The following PEAK1 variants were observed in gnomAD, a reference collection of about 807,000 sequenced individuals.
The protein encoded by PEAK1 is inactive tyrosine-protein kinase PEAK1.
PEAK1 carries 54 observed loss-of-function variants against 124.7 expected under a neutral mutation model. The observed-to-expected ratio is 0.43, with a 90% CI of 0.35 to 0.54. The LOEUF (loss-of-function observed/expected upper bound fraction) is 0.54. Among genes scored for constraint, PEAK1 ranks in the 20% least tolerant of loss-of-function variants. The pLI is 0.01. For synonymous variants in PEAK1, 719 were observed against 760.0 expected (o/e 0.95, Z 0.89); for missense variants, 2,046 against 2,134.5 (o/e 0.96, Z 0.82).
intron 2 of PEAK1, chr15:77,350,173 G>T (rs1467842822): frequency 1.0e-6 from 1 of 985,424 alleles, no homozygotes; most frequent in Non-Finnish European, 1.2e-6. Context: ...TCTGAGTTTT[G>T]CAACTACTAA....
chr15:77,108,013 G>A (rs1368684469), downstream of PEAK1: 1 of 152,242 alleles, frequency 6.6e-6, no homozygotes, highest in Non-Finnish European at 1.5e-5. Context: ...CCAGAGTGCA[G>A]AAGACACACA....
At chr15:77,338,650 T>A (rs866771749) in intron 2 of PEAK1, among the ~76,000 whole-genome samples, 8,617 of 147,978 alleles carry the variant, frequency 0.058, 321 homozygotes, top group Admixed American at 0.087. Context: ...AAAAAATATA[T>A]ATATATATAT....
At chr15:77,151,091 G>A (rs536105650) in intron 8 of PEAK1, among the ~76,000 whole-genome samples, 1 of 152,316 alleles carries the variant, frequency 6.6e-6, no homozygotes, top group South Asian at 2.1e-4. Flanking sequence ...TCGCCACACT[G>A]ACTTCCACAA....
intron 2 of PEAK1, among the ~76,000 whole-genome samples, chr15:77,313,670 G>GTGTGTGTT (rs2064643582): frequency 8.8e-6 from 1 of 113,272 alleles, no homozygotes; most frequent in African/African-American, 4.3e-5. Flanking sequence ...GTGTGTGTGT[G>GTGTGTGTT]TGTGTGTGTG....
chr15:77,113,679 T>A lies in PEAK1; in HGVS notation c.*477A>T, dbSNP rs1867781. The A allele has an allele frequency of 6.2e-6, 1 of 160,200 alleles. No individual in the cohort carries two copies. Among genetic ancestry groups the A allele is most frequent in the African/African-American group, 2.4e-5 (1 of 41,520 alleles). The allele number at this position is 160,200 out of a possible 1,614,324, so 9.9% of individuals were successfully genotyped here. On this transcript the variant is annotated 3_prime_UTR_variant, in exon 10 of 10. Coordinates refer to ENST00000682557, the MANE Select transcript of PEAK1 (RefSeq NM_001385026.1). ...GCAGTCCTGCCTAGTAAGTCAGTTGTTGACACCTTAAAGGAAGAGTCTGTT... is the reference window on the plus strand; with the variant it reads ...GCAGTCCTGCCTAGTAAGTCAGTTGATGACACCTTAAAGGAAGAGTCTGTT...
chr15:77,179,162 G>C lies in PEAK1; in HGVS notation c.2765C>G (p.Pro922Arg), dbSNP rs1428655584. The C allele has an allele frequency of 6.2e-7, 1 of 1,614,158 alleles. No homozygotes were observed. The highest frequency in any genetic ancestry group is 8.5e-7 in the Non-Finnish European group (1 of 1,180,028). ...GCTTTTAAATGATATCCAGCGCTTA[G>C]GTTTTGCATCAGCTGCCCGCCTGCT... The part of the protein sequence containing the change: ...EGSRRAADAK[P>R]KRWISFKSFF... Residue 922 changes from proline (P) to arginine (R), a missense_variant, in exon 7 of 10, where the codon CCT becomes CGT. By Grantham distance (103) the Pro-to-Arg change is moderately radical (BLOSUM62 -2). Transcript: ENST00000682557.
At chr15:77,359,528 C>T (rs376348021) in intron 2 of PEAK1, among the ~76,000 whole-genome samples, 4 of 151,162 alleles carry the variant, frequency 2.6e-5, no homozygotes, top group African/African-American at 9.7e-5. Flanking sequence ...CACTATGACA[C>T]GATGACATGA....
At chr15:77,258,142 A>T (rs2061259700) in intron 5 of PEAK1, among the ~76,000 whole-genome samples, 1 of 152,148 alleles carries the variant, frequency 6.6e-6, no homozygotes, top group African/African-American at 2.4e-5. Flanking sequence ...CTTGTAGTAT[A>T]GTTTGAAGTC....
intron 9 of PEAK1, among the ~76,000 whole-genome samples, chr15:77,115,587 T>C (rs1446334021): frequency 6.6e-6 from 1 of 151,494 alleles, no homozygotes; most frequent in Non-Finnish European, 1.5e-5. Flanking sequence ...TCTAAGAATT[T>C]AAAAAAGAAA....
At chr15:77,305,100 G>A (rs557341204) in intron 2 of PEAK1, among the ~76,000 whole-genome samples, 2 of 150,714 alleles carry the variant, frequency 1.3e-5, no homozygotes, top group South Asian at 4.2e-4. Context: ...TTGAGATTGA[G>A]CCACTGCACT....
intron 1 of PEAK1, among the ~76,000 whole-genome samples, chr15:77,375,341 C>A (rs894251176): frequency 1.3e-5 from 2 of 152,134 alleles, no homozygotes; most frequent in Admixed American, 6.5e-5. Flanking sequence ...TAGTTGACTA[C>A]CCAACAGCCT....
Position 77,181,555 on chromosome 15 carries a change from T to G in PEAK1, c.372A>C (p.Glu124Asp), listed in dbSNP as rs1225450519. Reference sequence around the variant, plus strand: ...AAGGCTTAGGAACATGGCTAATTCCTTCATCATCTTCATTATTATTGTTAA... The same window carrying G: ...AAGGCTTAGGAACATGGCTAATTCCGTCATCATCTTCATTATTATTGTTAA... ...KPLNNNNEDD[E>D]GISHVPKPYG... Residue 124 changes from glutamate to aspartate, a missense_variant, in exon 7 of 10, where the codon GAA (glutamate) becomes GAC (aspartate). Physicochemically the swap from Glu to Asp is conservative, Grantham distance 45. Transcript: ENST00000682557. The G allele has an allele frequency of 6.2e-7, 1 of 1,614,126 alleles. No homozygotes were observed. The highest frequency in any genetic ancestry group is 8.5e-7 in the Non-Finnish European group (1 of 1,180,018).
At position 77,338,642 on chromosome 15, in the gene PEAK1, A is replaced by T. The variant is rs544883480; in HGVS notation, c.-603+26521T>A. ...ACCACATGAAAAATCTTTAAAAAAA[A>T]AAATATATATATATATATATGTATC... On this transcript the variant is annotated intron_variant, in intron 2 of 9. Transcript: ENST00000682557. Among the ~76,000 whole-genome samples the T allele has an allele frequency of 5.5e-3, 779 of 142,120 alleles. 4 individuals carry two copies. Among genetic ancestry groups the T allele is most frequent in the South Asian group, 0.011 (49 of 4,600 alleles). The allele number at this position is 142,120 out of a possible 152,430, so 93.2% of individuals were successfully genotyped here. A position where few individuals can be genotyped will look rare whatever the true frequency, so the allele number is the denominator to read the frequency against.
chr15:77,325,948 T>C (rs1270693630), intron 2 of PEAK1, among the ~76,000 whole-genome samples: 1 of 152,000 alleles, frequency 6.6e-6, no homozygotes, highest in Non-Finnish European at 1.5e-5. Context: ...CATATAAATA[T>C]AACAGAGAAC....
chr15:77,308,428 T>C (rs757237532), intron 2 of PEAK1, among the ~76,000 whole-genome samples: 47 of 152,182 alleles, frequency 3.1e-4, no homozygotes, highest in South Asian at 4.1e-4. Context: ...AGATAAAACC[T>C]TTTCCTCTGT....
chr15:77,121,461 G>A (rs527311752), intron 9 of PEAK1, among the ~76,000 whole-genome samples: 2 of 152,220 alleles, frequency 1.3e-5, no homozygotes, highest in African/African-American at 4.8e-5. Flanking sequence ...TGGGGGCAAC[G>A]GCAGATAAAC....
At chr15:77,210,248 T>TA (rs2058843316) in intron 6 of PEAK1, among the ~76,000 whole-genome samples, 1 of 152,246 alleles carries the variant, frequency 6.6e-6, no homozygotes, top group Non-Finnish European at 1.5e-5. Context: ...ACCAGAGATG[T>TA]ATATTAAAGC....
chr15:77,228,352 G>T (rs2059767833), intron 6 of PEAK1, among the ~76,000 whole-genome samples: 2 of 152,022 alleles, frequency 1.3e-5, no homozygotes, highest in South Asian at 4.2e-4. Flanking sequence ...GCCTGTTCTG[G>T]GTCCCTATGG....
intron 2 of PEAK1, among the ~76,000 whole-genome samples, chr15:77,358,176 T>C (rs1417563545): frequency 1.3e-5 from 2 of 152,164 alleles, no homozygotes; most frequent in Non-Finnish European, 2.9e-5. Context: ...TCTCTCTCTC[T>C]ACTTCCACAA....
Sources: allele counts gnomAD v4.1 joint callset (sites outside exome capture counted in the v4.1 genomes callset), GRCh38; gene constraint gnomAD v4.1.1; transcripts MANE v1.5; gene names NCBI Gene and HGNC (gene_info 2026-07-23, HGNC 2026-07-21).